Variants in FAM135B observed in about 807,000 individuals in gnomAD.
The protein encoded by FAM135B is protein FAM135B.
Under a neutral mutation model 127.7 loss-of-function variants are expected in FAM135B, and 43 were observed. The observed-to-expected ratio is 0.34, with a 90% CI of 0.26 to 0.43. The LOEUF is 0.43. Among genes scored for constraint, FAM135B ranks in the 20% least tolerant of loss-of-function variants. The pLI is 1.00. For synonymous variants in FAM135B, 670 were observed against 665.1 expected (o/e 1.01, Z -0.11); for missense variants, 1,558 against 1,725.6 (o/e 0.90, Z 1.72).
At chr8:138,302,788 A>T (rs1464088845) in intron 3 of FAM135B, among the ~76,000 whole-genome samples, 7 of 152,228 alleles carry the variant, frequency 4.6e-5, no homozygotes, top group Non-Finnish European at 7.3e-5. Flanking sequence ...GGGCCCCATG[A>T]AAGTAGCGCC....
intron 12 of FAM135B, among the ~76,000 whole-genome samples, chr8:138,155,934 C>T (rs1818690014): frequency 6.6e-6 from 1 of 152,150 alleles, no homozygotes; most frequent in African/African-American, 2.4e-5. Flanking sequence ...CTCGGCTCTG[C>T]ACCAAGCAGA....
At chr8:138,350,270 C>T (rs997730154) in intron 2 of FAM135B, among the ~76,000 whole-genome samples, 2 of 152,126 alleles carry the variant, frequency 1.3e-5, no homozygotes, top group South Asian at 2.1e-4. Flanking sequence ...CATACTATCC[C>T]GTTCTTTCAC....
chr8:138,363,300 TATTA>T (rs572232246), intron 2 of FAM135B, among the ~76,000 whole-genome samples: 86 of 152,318 alleles, frequency 5.6e-4, no homozygotes, highest in African/African-American at 1.9e-3. Context: ...TCTCTGCCTA[TATTA>T]ATTAATGCCG....
intron 12 of FAM135B, among the ~76,000 whole-genome samples, chr8:138,156,016 C>G (rs1040317766): frequency 3.3e-5 from 5 of 152,212 alleles, no homozygotes; most frequent in African/African-American, 1.2e-4. Context: ...CTACATCACA[C>G]TTATTCCAAA....
chr8:138,251,857 G>C (rs183041552), intron 5 of FAM135B, among the ~76,000 whole-genome samples: 2 of 152,322 alleles, frequency 1.3e-5, no homozygotes, highest in East Asian at 3.9e-4. Context: ...AGGGAAACCT[G>C]GGAGGAGCAT....
chr8:138,304,745 G>A (rs1164125481), intron 3 of FAM135B, among the ~76,000 whole-genome samples: 4 of 152,198 alleles, frequency 2.6e-5, no homozygotes, highest in East Asian at 1.9e-4. Context: ...AGGATACAGT[G>A]GCAATGCTGG....
chr8:138,327,222 T>C (rs1441909685), intron 2 of FAM135B, among the ~76,000 whole-genome samples: 2 of 152,196 alleles, frequency 1.3e-5, no homozygotes, highest in Non-Finnish European at 2.9e-5. Flanking sequence ...CCACCAGTTC[T>C]TGCAAGTCAA....
At chr8:138,491,886 C>T (rs970320642) in intron 1 of FAM135B, among the ~76,000 whole-genome samples, 2 of 152,268 alleles carry the variant, frequency 1.3e-5, no homozygotes, top group East Asian at 1.9e-4. Context: ...GTAGCATGTG[C>T]TGCTGAAGAT....
intron 1 of FAM135B, among the ~76,000 whole-genome samples, chr8:138,372,284 G>A (rs1325344992): frequency 1.3e-5 from 2 of 152,212 alleles, no homozygotes; most frequent in Non-Finnish European, 1.5e-5. Flanking sequence ...TCCTCACTCA[G>A]GCAGCAACAC....
intron 1 of FAM135B, among the ~76,000 whole-genome samples, chr8:138,458,109 G>A (rs922314668): frequency 1.3e-4 from 20 of 152,208 alleles, no homozygotes; most frequent in African/African-American, 3.1e-4. Context: ...CTGAGATCAC[G>A]CCGCTGCACT....
chr8:138,289,176 TAA>T (rs1563861014), intron 3 of FAM135B, among the ~76,000 whole-genome samples: 1 of 152,162 alleles, frequency 6.6e-6, no homozygotes, highest in Non-Finnish European at 1.5e-5. Flanking sequence ...TTTTGTAAAA[TAA>T]AAGAGAGAGA....
chr8:138,363,327 T>C (rs776701228), intron 2 of FAM135B, among the ~76,000 whole-genome samples: 38 of 152,178 alleles, frequency 2.5e-4, no homozygotes, highest in Admixed American at 1.4e-3. Flanking sequence ...AACTTTCAGA[T>C]TGCCCCACAA....
At chr8:138,334,203 A>G (rs1286618196) in intron 2 of FAM135B, among the ~76,000 whole-genome samples, 1 of 152,112 alleles carries the variant, frequency 6.6e-6, no homozygotes, top group Non-Finnish European at 1.5e-5. Flanking sequence ...GATTACAGGC[A>G]TGAGACACCA....
At chr8:138,153,332 G>T in intron 12 of FAM135B, 116 bp from the exon 13 acceptor site, 1 of 777,356 alleles carries the variant, frequency 1.3e-6, no homozygotes, top group Non-Finnish European at 2.0e-6. Context: ...GTTCGAAGAT[G>T]GGAGAATAGG....
chr8:138,259,215 C>T (rs780027194), intron 4 of FAM135B, among the ~76,000 whole-genome samples: 1 of 152,136 alleles, frequency 6.6e-6, no homozygotes, highest in Non-Finnish European at 1.5e-5. Flanking sequence ...TGGACGTTCT[C>T]TCACTGCTTG....
intron 3 of FAM135B, among the ~76,000 whole-genome samples, chr8:138,310,267 T>G (rs1445041913): frequency 2.6e-5 from 4 of 152,170 alleles, no homozygotes; most frequent in East Asian, 1.9e-4. Context: ...ATGTCTGTCT[T>G]TATTTCTGGC....
At chr8:138,468,169 C>T (rs1837474806) in intron 1 of FAM135B, among the ~76,000 whole-genome samples, 1 of 152,180 alleles carries the variant, frequency 6.6e-6, no homozygotes, top group Admixed American at 6.5e-5. Flanking sequence ...TTTTGTGAAA[C>T]AACATCTCTA....
intron 3 of FAM135B, among the ~76,000 whole-genome samples, chr8:138,309,572 C>G (rs1431469049): frequency 6.6e-6 from 1 of 152,184 alleles, no homozygotes; most frequent in Non-Finnish European, 1.5e-5. Context: ...GCCTGGGGAA[C>G]CAGGTCCCCC....
intron 1 of FAM135B, among the ~76,000 whole-genome samples, chr8:138,434,120 T>C (rs900937779): frequency 3.9e-5 from 6 of 152,202 alleles, no homozygotes; most frequent in African/African-American, 7.2e-5. Flanking sequence ...CAAAATATTA[T>C]TAGTTTAGCT....
Sources: gnomAD v4.1 joint callset for allele counts (sites outside exome capture counted in the v4.1 genomes callset) on GRCh38, gnomAD v4.1.1 for gene constraint, MANE v1.5 for transcripts, NCBI Gene and HGNC (gene_info 2026-07-23, HGNC 2026-07-21) for gene names.